The following PARN variants were observed in gnomAD, a reference collection of about 807,000 sequenced individuals.
PARN encodes the protein poly(A)-specific ribonuclease PARN.
Under a neutral mutation model 102.8 loss-of-function variants are expected in PARN, and 71 were observed. The ratio of observed to expected loss-of-function variants is 0.69; its 90% confidence interval spans 0.57 to 0.84. The LOEUF is 0.84. Among genes scored for constraint, PARN ranks in the 40% least tolerant of loss-of-function variants. The pLI, the probability that PARN is intolerant of heterozygous loss-of-function variation, is 0.00. For synonymous variants in PARN, 261 were observed against 252.9 expected (o/e 1.03, Z -0.30); for missense variants, 782 against 760.9 (o/e 1.03, Z -0.33).
chr16:14,623,116 C>T (rs1972422771), intron 5 of PARN, among the ~76,000 whole-genome samples: 1 of 149,838 alleles, frequency 6.7e-6, no homozygotes, highest in Admixed American at 6.6e-5. Context: ...AAAAAAAAAG[C>T]TAATATGTAT....
At chr16:14,617,196 A>T in intron 6 of PARN, among the ~76,000 whole-genome samples, 1 of 151,462 alleles carries the variant, frequency 6.6e-6, no homozygotes, top group Non-Finnish European at 1.5e-5. Context: ...CATCCTGGCT[A>T]ACACGGTGAA....
In PARN at chr16:14,626,615, CTTTT is replaced by C. The variant is rs994716095; in HGVS notation, c.327+487_327+490del. On this transcript the variant is annotated intron_variant, in intron 5 of 23. Transcript: ENST00000437198. ...TCTGCATCTTATTCCTTAATTCATT[CTTTT>C]TTTTTTTTTTGAGCCAGAGTCTCGC... Among the ~76,000 whole-genome samples, 153 of 144,672 alleles carry C rather than the reference CTTTT, an allele frequency of 1.1e-3. 1 individual carries two copies. Among genetic ancestry groups the C allele is most frequent in the African/African-American group, 3.5e-3 (140 of 39,706 alleles). 94.9% of individuals were successfully genotyped at this position (144,672 alleles called of 152,430 possible). A position where few individuals can be genotyped will look rare whatever the true frequency, so the allele number is the denominator to read the frequency against.
intron 3 of PARN, 54 bp from the exon 4 acceptor site, chr16:14,627,390 G>C: frequency 7.8e-7 from 1 of 1,285,988 alleles, no homozygotes; most frequent in South Asian, 1.3e-5. Context: ...TTCCATGTGA[G>C]CATAGCATTC....
chr16:14,533,276 C>T (rs1379267657), intron 21 of PARN, among the ~76,000 whole-genome samples: 1 of 152,154 alleles, frequency 6.6e-6, no homozygotes, highest in African/African-American at 2.4e-5. Flanking sequence ...CGTGGCGGCG[C>T]GCGCCTGCAA....
intron 22 of PARN, among the ~76,000 whole-genome samples, chr16:14,462,897 C>T (rs537983581): frequency 1.2e-4 from 18 of 152,294 alleles, no homozygotes; most frequent in Admixed American, 1.2e-3. Flanking sequence ...CAAGGAAGCA[C>T]AGTGATCCCT....
At chr16:14,579,731 T>C (rs922685993) in intron 18 of PARN, among the ~76,000 whole-genome samples, 1 of 152,146 alleles carries the variant, frequency 6.6e-6, no homozygotes, top group Non-Finnish European at 1.5e-5. Flanking sequence ...TCCCAGCACT[T>C]TGGGAGGCTG....
intron 13 of PARN, among the ~76,000 whole-genome samples, chr16:14,587,211 A>C (rs1002003995): frequency 2.6e-5 from 4 of 152,182 alleles, no homozygotes; most frequent in Non-Finnish European, 2.9e-5. Context: ...ACTGGCTATA[A>C]ATTAATGGGC....
intron 11 of PARN, 80 bp from the exon 12 acceptor site, chr16:14,600,040 A>G: frequency 3.9e-6 from 3 of 770,138 alleles, no homozygotes; most frequent in East Asian, 2.9e-5. Context: ...CCCAAAAAAA[A>G]GACACTGAAA....
intron 21 of PARN, among the ~76,000 whole-genome samples, chr16:14,519,810 G>C (rs1567342406): frequency 6.6e-6 from 1 of 151,602 alleles, no homozygotes; most frequent in African/African-American, 2.4e-5. Context: ...CCACATAGCA[G>C]ACAAGTAAAA....
At position 14,517,517 on chromosome 16, in the gene PARN, T is replaced by G. The variant is rs117270949; in HGVS notation, c.1480+34504A>C. ...TATGGGAAACAGGTAAGTATTGTTT[T>G]AAACCATTATGTGTTCAAAAAATGA... On this transcript the variant is annotated intron_variant, in intron 21 of 23. Coordinates refer to ENST00000437198, the MANE Select transcript of PARN (RefSeq NM_002582.4). Among the ~76,000 whole-genome samples, 36 of 152,306 alleles carry G rather than the reference T, an allele frequency of 2.4e-4. No homozygotes were observed. In the East Asian group the frequency reaches 6.6e-3, roughly 28 times the overall value.
At chr16:14,521,386 A>C (rs1965723734) in intron 21 of PARN, among the ~76,000 whole-genome samples, 1 of 152,228 alleles carries the variant, frequency 6.6e-6, no homozygotes, top group African/African-American at 2.4e-5. Context: ...CAAATCTCTG[A>C]CATGTGGTAA....
At chr16:14,538,791 C>T (rs1425341050) in intron 21 of PARN, among the ~76,000 whole-genome samples, 2 of 152,142 alleles carry the variant, frequency 1.3e-5, no homozygotes, top group Non-Finnish European at 2.9e-5. Context: ...GCTAGCAAAG[C>T]TTCATCTGTT....
chr16:14,494,523 CTG>C (rs1480823805), intron 21 of PARN, among the ~76,000 whole-genome samples: 1 of 152,140 alleles, frequency 6.6e-6, no homozygotes, highest in Non-Finnish European at 1.5e-5. Context: ...AGGTGGGGAA[CTG>C]TGATCCAGGC....
intron 21 of PARN, among the ~76,000 whole-genome samples, chr16:14,525,505 A>T (rs1965950432): frequency 6.6e-6 from 1 of 152,190 alleles, no homozygotes; most frequent in South Asian, 2.1e-4. Context: ...AGGGACCATG[A>T]ATCAAGCTTC....
intron 21 of PARN, among the ~76,000 whole-genome samples, chr16:14,492,196 G>A (rs1164875778): frequency 6.6e-6 from 1 of 152,228 alleles, no homozygotes; most frequent in Admixed American, 6.5e-5. Context: ...CAGTGAAAGA[G>A]ATCTGAGCCC....
intron 21 of PARN, among the ~76,000 whole-genome samples, chr16:14,486,423 C>T (rs1283958784): frequency 6.6e-6 from 1 of 152,196 alleles, no homozygotes; most frequent in Non-Finnish European, 1.5e-5. Flanking sequence ...GGAGAGGAGG[C>T]TTGGGTCAAT....
chr16:14,613,263 T>A (rs1484160815), intron 6 of PARN, among the ~76,000 whole-genome samples: 1 of 141,800 alleles, frequency 7.1e-6, no homozygotes, highest in Non-Finnish European at 1.5e-5. Context: ...GAGTCAAGAT[T>A]GCACCATTCC....
chr16:14,560,143 T>A lies in PARN; in HGVS notation c.1263-4434A>T, dbSNP rs1043876971. 2.0e-5 allele frequency among the ~76,000 whole-genome samples: 3 copies of A among 152,210 alleles called. No individual in the cohort carries two copies. In the South Asian group the frequency reaches 6.2e-4, roughly 32 times the overall value. The stretch of plus-strand genomic sequence containing the variant: ...GATAAAATACTTCACATATGCCTCA[T>A]CCAACTTGACAGTTTTCATCCTAGC... On this transcript the variant is annotated intron_variant, in intron 18 of 23. Transcript: ENST00000437198.
At chr16:14,523,662 G>C (rs2151656198) in intron 21 of PARN, among the ~76,000 whole-genome samples, 1 of 152,256 alleles carries the variant, frequency 6.6e-6, no homozygotes, top group South Asian at 2.1e-4. Flanking sequence ...AATATGAAAT[G>C]ATTATTACAT....
Sources: gnomAD v4.1 joint callset for allele counts (sites outside exome capture counted in the v4.1 genomes callset) on GRCh38, gnomAD v4.1.1 for gene constraint, MANE v1.5 for transcripts, NCBI Gene and HGNC (gene_info 2026-07-23, HGNC 2026-07-21) for gene names.